Variants in PLD5 observed in about 807,000 individuals in gnomAD.
PLD5 encodes inactive phospholipase D5.
In PLD5, 36 loss-of-function variants were observed where a neutral mutation model predicts 61.1. The observed-to-expected ratio is 0.59, with a 90% CI of 0.45 to 0.78. The LOEUF (loss-of-function observed/expected upper bound fraction) is 0.78, where lower values mean the gene tolerates loss of function less well. Among genes scored for constraint, PLD5 ranks in the 30% least tolerant of loss-of-function variants. The pLI is 0.00. For missense variants in PLD5, 515 were observed against 644.4 expected (o/e 0.80, Z 2.17); for synonymous variants, 243 against 242.8 (o/e 1.00, Z -0.01).
intron 1 of PLD5, among the ~76,000 whole-genome samples, chr1:242,468,417 AT>A (rs1667340533): frequency 6.6e-6 from 1 of 152,178 alleles, no homozygotes; most frequent in South Asian, 2.1e-4. Context: ...AATTCAAGTA[AT>A]TTGGGGGCAA....
At chr1:242,253,671 T>G (rs1384168691) in intron 4 of PLD5, among the ~76,000 whole-genome samples, 1 of 152,058 alleles carries the variant, frequency 6.6e-6, no homozygotes, top group African/African-American at 2.4e-5. Flanking sequence ...TAGAAATACA[T>G]AAAGCCACAA....
Position 242,524,175 on chromosome 1 carries a change from G to T in PLD5, c.102C>A (p.Thr34=), listed in dbSNP as rs1447065264. 3.3e-6 allele frequency: 5 copies of T among 1,535,300 alleles called. No homozygotes were observed. The African/African-American group carries it at 6.9e-5, about 21-fold the overall frequency. Reference sequence around the variant, plus strand: ...TGCTGTAGAAGTTCGCGCCCACTCGGGTCAGGCTTGGGGAGGGCTCCTTGG... The same window carrying T: ...TGCTGTAGAAGTTCGCGCCCACTCGTGTCAGGCTTGGGGAGGGCTCCTTGG... ...SRPKEPSPSL[T]RVGANFYSSV... is the part of the protein sequence containing the mutation. The change falls in exon 1 of 10, where the codon ACC becomes ACA. Residue 34 remains threonine, a synonymous_variant. Transcript: ENST00000536534.
chr1:242,113,452 T>C (rs916490469), intron 7 of PLD5, among the ~76,000 whole-genome samples: 1 of 152,212 alleles, frequency 6.6e-6, no homozygotes, highest in Non-Finnish European at 1.5e-5. Context: ...AAGACTGCTG[T>C]GAATATAAAA....
chr1:242,499,708 C>T (rs899300740), intron 1 of PLD5, among the ~76,000 whole-genome samples: 4 of 152,180 alleles, frequency 2.6e-5, no homozygotes, highest in East Asian at 1.9e-4. Flanking sequence ...CCATAGCTGT[C>T]GAACAAACCA....
chr1:242,299,613 GT>G (rs1002697948), intron 2 of PLD5, among the ~76,000 whole-genome samples: 5 of 152,180 alleles, frequency 3.3e-5, no homozygotes, highest in African/African-American at 1.2e-4. Flanking sequence ...AATTCTGGGT[GT>G]TTTTCCCCCC....
rs1669388869 is a variant in PLD5, at chr1:242,524,554, AC to A, written c.-279del. ...CGGGGGCGGGGGCGGAGGGGGACGG[AC>A]GGGGAGAAGGGGGACGAGAGGGGAC... On this transcript the variant is annotated 5_prime_UTR_variant, in exon 1 of 10. Transcript: ENST00000536534. The A allele has an allele frequency of 2.2e-5, 2 of 90,914 alleles. No individual in the cohort carries two copies. Among genetic ancestry groups the A allele is most frequent in the African/African-American group, 8.3e-5 (2 of 23,992 alleles). The allele number at this position is 90,914 out of a possible 1,614,324, so 5.6% of individuals were successfully genotyped here.
In PLD5 at chr1:242,331,883, T is replaced by C. The variant is rs141951336; in HGVS notation, c.326+16223A>G. On this transcript the variant is annotated intron_variant, in intron 2 of 9. Coordinates refer to ENST00000536534, the MANE Select transcript of PLD5 (RefSeq NM_001372062.1). ...AACTAGGGCGGCAAAGTCCCTCACT[T>C]AGCAATGCCTTTTATTATTATACTT... 1.7e-4 allele frequency among the ~76,000 whole-genome samples: 26 copies of C among 152,296 alleles called. 1 individual carries two copies. The highest frequency in any genetic ancestry group is 6.3e-4 in the African/African-American group (26 of 41,568).
intron 1 of PLD5, among the ~76,000 whole-genome samples, chr1:242,415,867 A>C (rs1352874743): frequency 6.6e-6 from 1 of 152,144 alleles, no homozygotes; most frequent in East Asian, 1.9e-4. Context: ...CAAGAATGGA[A>C]GCTAGACTTC....
intron 5 of PLD5, among the ~76,000 whole-genome samples, chr1:242,180,985 A>AAAACAAAC (rs545725246): frequency 3.9e-5 from 6 of 152,074 alleles, no homozygotes; most frequent in Non-Finnish European, 5.9e-5. Context: ...TAGGTCTCAA[A>AAAACAAAC]AAACAAACAA....
At chr1:242,364,161 G>A (rs527601295) in intron 1 of PLD5, among the ~76,000 whole-genome samples, 1 of 151,822 alleles carries the variant, frequency 6.6e-6, no homozygotes, top group Non-Finnish European at 1.5e-5. Flanking sequence ...TAAAGCAAAA[G>A]CTAACAGAAC....
chr1:242,320,095 TTAAAA>T (rs1658287152), intron 2 of PLD5, among the ~76,000 whole-genome samples: 2 of 152,366 alleles, frequency 1.3e-5, no homozygotes, highest in South Asian at 4.1e-4. Context: ...AATAAACCTC[TTAAAA>T]TAATTGTGAC....
At position 242,087,835 on chromosome 1, in the gene PLD5, T is replaced by C. The variant is rs1484756178; in HGVS notation, c.*2019A>G. On this transcript the variant is annotated 3_prime_UTR_variant, in exon 10 of 10. Coordinates refer to ENST00000536534, the MANE Select transcript of PLD5 (RefSeq NM_001372062.1). ...ACTCCCAACTCAAATATGGATTGTG[T>C]ATATGGTAAATATTTAGAGTCTTAG... The C allele has an allele frequency of 6.6e-6, 1 of 152,222 alleles. No homozygotes were observed. Among genetic ancestry groups the C allele is most frequent in the Non-Finnish European group, 1.5e-5 (1 of 68,034 alleles). The allele number at this position is 152,222 out of a possible 1,614,324, so 9.4% of individuals were successfully genotyped here.
At chr1:242,261,742 A>T (rs1673384173) in intron 4 of PLD5, among the ~76,000 whole-genome samples, 1 of 152,226 alleles carries the variant, frequency 6.6e-6, no homozygotes, top group Non-Finnish European at 1.5e-5. Context: ...GAAGATGCTC[A>T]ATATAATTTG....
intron 5 of PLD5, among the ~76,000 whole-genome samples, chr1:242,134,509 G>A (rs867156354): frequency 3.3e-5 from 5 of 152,152 alleles, no homozygotes; most frequent in African/African-American, 1.2e-4. Context: ...ATGGAATTTA[G>A]TGGGTTTCCA....
chr1:242,477,111 G>A (rs868817986), intron 1 of PLD5, among the ~76,000 whole-genome samples: 1 of 152,114 alleles, frequency 6.6e-6, no homozygotes, highest in African/African-American at 2.4e-5. Flanking sequence ...TTAGCCAGGC[G>A]TGGTGGTGTG....
intron 5 of PLD5, among the ~76,000 whole-genome samples, chr1:242,197,649 T>C (rs1262395234): frequency 6.6e-6 from 1 of 151,572 alleles, no homozygotes; most frequent in South Asian, 2.1e-4. Context: ...TTTTTTTTTT[T>C]TCTGAGACGG....
At chr1:242,318,446 T>C (rs1658160691) in intron 2 of PLD5, among the ~76,000 whole-genome samples, 1 of 152,086 alleles carries the variant, frequency 6.6e-6, no homozygotes, top group Admixed American at 6.5e-5. Flanking sequence ...GCCAGACAAG[T>C]GTGCTGACGG....
chr1:242,287,236 C>T (rs1172080588), intron 3 of PLD5, among the ~76,000 whole-genome samples: 1 of 152,158 alleles, frequency 6.6e-6, no homozygotes, highest in Non-Finnish European at 1.5e-5. Flanking sequence ...ATCCAGGATT[C>T]TCCATCCCCA....
At chr1:242,149,670 T>C (rs993154) in intron 5 of PLD5, among the ~76,000 whole-genome samples, 19,767 of 147,196 alleles carry the variant, frequency 0.13, 1,794 homozygotes, top group Non-Finnish European at 0.17. Flanking sequence ...TTTATACACA[T>C]ACACACACAC....
Sources: allele counts gnomAD v4.1 joint callset (sites outside exome capture counted in the v4.1 genomes callset), GRCh38; gene constraint gnomAD v4.1.1; transcripts MANE v1.5; gene names NCBI Gene and HGNC (gene_info 2026-07-23, HGNC 2026-07-21).